The following FER1L6 variants were observed in gnomAD, a reference collection of about 807,000 sequenced individuals.
The protein encoded by FER1L6 is fer-1 like family member 6, also known as fer-1-like protein 6.
Under a neutral mutation model 219.2 loss-of-function variants are expected in FER1L6, and 177 were observed. The observed-to-expected ratio is 0.81, with a 90% confidence interval of 0.71 to 0.91. The LOEUF is 0.91. FER1L6 is among the 40% of genes least tolerant of loss of function. The probability of loss-of-function intolerance (pLI) is 0.00; values close to 1 mark genes in which losing one functional copy is unlikely to be tolerated. For missense variants in FER1L6, 2,153 were observed against 2,259.9 expected (o/e 0.95, Z 0.96); for synonymous variants, 768 against 824.3 (o/e 0.93, Z 1.17).
At chr8:124,114,061 T>C (rs1823129669) in intron 39 of FER1L6, among the ~76,000 whole-genome samples, 1 of 152,218 alleles carries the variant, frequency 6.6e-6, no homozygotes, top group Non-Finnish European at 1.5e-5. Context: ...TTTCATTGGT[T>C]TTATAAAAAT....
chr8:124,031,278 T>A (rs912782717), intron 18 of FER1L6, among the ~76,000 whole-genome samples: 1 of 152,192 alleles, frequency 6.6e-6, no homozygotes, highest in Non-Finnish European at 1.5e-5. Context: ...TACACATTAA[T>A]ATATGGGAGC....
chr8:123,974,471 A>G (rs1815958159), intron 7 of FER1L6, among the ~76,000 whole-genome samples: 1 of 151,856 alleles, frequency 6.6e-6, no homozygotes, highest in Non-Finnish European at 1.5e-5. Flanking sequence ...CCCCATCTCT[A>G]CTAAAAATAC....
In FER1L6 at chr8:124,091,500, A is replaced by G; in HGVS notation, c.4469A>G (p.Asp1490Gly). The change falls in exon 34 of 41, where the codon GAT (aspartate) becomes GGT (glycine). Residue 1490 changes from aspartate (D) to glycine (G), a missense_variant. Physicochemically the swap from Asp to Gly is moderately conservative, Grantham distance 94. Transcript: ENST00000522917. ...LTKLCKDNKLDGPYFHPGKIQ... is the reference protein window; with the variant it reads ...LTKLCKDNKLGGPYFHPGKIQ... ...AAGCTCTGCAAAGACAACAAGCTGG[A>G]TGGACCCTACTTTCACCCTGGGAAA... The G allele has an allele frequency of 6.2e-7, 1 of 1,614,006 alleles. No individual in the cohort carries two copies. Among genetic ancestry groups the G allele is most frequent in the South Asian group, 1.1e-5 (1 of 91,082 alleles).
intron 20 of FER1L6, among the ~76,000 whole-genome samples, chr8:124,042,393 T>C (rs1390793836): frequency 6.6e-6 from 1 of 152,244 alleles, no homozygotes; most frequent in African/African-American, 2.4e-5. Flanking sequence ...GCTTAGCATT[T>C]TATATGCATC....
chr8:124,062,005 C>A lies in FER1L6; in HGVS notation c.3301C>A (p.Gln1101Lys), dbSNP rs868030113. 2.5e-6 allele frequency: 4 copies of A among 1,614,158 alleles called. No individual in the cohort carries two copies. In the African/African-American group the frequency reaches 5.3e-5, roughly 22 times the overall value. Reference protein sequence around the residue: ...KLREPLAPITQVDGTQPGHDI... With the variant: ...KLREPLAPITKVDGTQPGHDI... ...CAGAGAGCCCCTTGCCCCCATCACA[C>A]AGGTGGATGGAACCCAGCCTGGGCA... Residue 1101 changes from glutamine to lysine, a missense_variant, in exon 25 of 41, where the codon CAG becomes AAG. Gln to Lys is a moderately conservative substitution (Grantham distance 53). Coordinates refer to ENST00000522917, the MANE Select transcript of FER1L6 (RefSeq NM_001039112.2).
intron 1 of FER1L6, among the ~76,000 whole-genome samples, chr8:123,899,636 T>C (rs1406151327): frequency 1.3e-5 from 2 of 152,202 alleles, no homozygotes; most frequent in Non-Finnish European, 2.9e-5. Flanking sequence ...AGAATTTTTA[T>C]GGTTTCAGGT....
At chr8:123,913,520 C>T (rs1484675595) in intron 1 of FER1L6, among the ~76,000 whole-genome samples, 1 of 152,102 alleles carries the variant, frequency 6.6e-6, no homozygotes, top group Admixed American at 6.6e-5. Context: ...GCTGTCAGGT[C>T]ACCTCTACTG....
At chr8:124,104,221 TC>T (rs1822667276) in intron 39 of FER1L6, among the ~76,000 whole-genome samples, 1 of 152,194 alleles carries the variant, frequency 6.6e-6, no homozygotes, top group African/African-American at 2.4e-5. Flanking sequence ...CCAGTTCCAT[TC>T]CCCCTCAAGT....
chr8:124,002,216 C>T (rs1275340468), intron 12 of FER1L6, among the ~76,000 whole-genome samples: 1 of 152,184 alleles, frequency 6.6e-6, no homozygotes, highest in Non-Finnish European at 1.5e-5. Context: ...CGGAAGGTGG[C>T]TGTTGTAAGC....
At chr8:123,948,534 G>A (rs147844261) in intron 1 of FER1L6, among the ~76,000 whole-genome samples, 81 of 152,178 alleles carry the variant, frequency 5.3e-4, no homozygotes, top group African/African-American at 1.7e-3. Flanking sequence ...TATAGGTCTT[G>A]TTTATATTTT....
At chr8:123,858,137 C>T (rs1816680748) in intron 1 of FER1L6, among the ~76,000 whole-genome samples, 2 of 152,158 alleles carry the variant, frequency 1.3e-5, no homozygotes, top group Non-Finnish European at 1.5e-5. Context: ...GATGGGTTCT[C>T]CTACTTTAAC....
intron 5 of FER1L6, among the ~76,000 whole-genome samples, chr8:123,968,478 T>A (rs57604035): frequency 6.6e-6 from 1 of 152,180 alleles, no homozygotes; most frequent in Non-Finnish European, 1.5e-5. Flanking sequence ...CGGAAGCCTA[T>A]GTGAGGCAGT....
At chr8:124,080,663 G>A (rs1486694115) in intron 32 of FER1L6, among the ~76,000 whole-genome samples, 2 of 152,084 alleles carry the variant, frequency 1.3e-5, no homozygotes, top group Non-Finnish European at 2.9e-5. Flanking sequence ...AAATTTAGGT[G>A]ACATTAATAT....
At chr8:123,950,622 G>A (rs564314494) in intron 1 of FER1L6, among the ~76,000 whole-genome samples, 2 of 152,290 alleles carry the variant, frequency 1.3e-5, no homozygotes, top group South Asian at 4.1e-4. Flanking sequence ...GCTGACTCTT[G>A]CAGGTGAAAT....
chr8:123,894,134 A>G (rs2129707851), intron 1 of FER1L6, among the ~76,000 whole-genome samples: 1 of 152,344 alleles, frequency 6.6e-6, no homozygotes, highest in South Asian at 2.1e-4. Context: ...GAAATGTACC[A>G]GATTCAGACA....
At chr8:124,028,907 A>G (rs1586610953) in intron 18 of FER1L6, among the ~76,000 whole-genome samples, 2 of 152,130 alleles carry the variant, frequency 1.3e-5, no homozygotes, top group East Asian at 3.8e-4. Context: ...TGCATGTATT[A>G]GGTATTTGTC....
chr8:124,074,002 C>T (rs1040429365), intron 31 of FER1L6, among the ~76,000 whole-genome samples: 2 of 152,200 alleles, frequency 1.3e-5, no homozygotes, highest in Non-Finnish European at 2.9e-5. Context: ...CATCCTTGAA[C>T]ATACAGCTTT....
In FER1L6 at chr8:124,033,029, C is replaced by A. The variant is rs550891569; in HGVS notation, c.2287-2248C>A. ...AGAGTCTGGGCTCTAACCCTGATAA[C>A]CTATGATTTGGTGATAGCTTGCAGG... is the stretch of plus-strand genomic sequence containing the variant. On this transcript the variant is annotated intron_variant, in intron 18 of 40. Transcript: ENST00000522917. Among the ~76,000 whole-genome samples the A allele has an allele frequency of 2.0e-5, 3 of 152,270 alleles. No homozygotes were observed. The South Asian group carries it at 6.2e-4, about 32-fold the overall frequency.
intron 18 of FER1L6, among the ~76,000 whole-genome samples, chr8:124,025,530 G>A (rs1818667734): frequency 6.6e-6 from 1 of 152,042 alleles, no homozygotes; most frequent in Admixed American, 6.6e-5. Flanking sequence ...CTATTCCACT[G>A]GCCTATATAT....
Sources: allele counts gnomAD v4.1 joint callset (sites outside exome capture counted in the v4.1 genomes callset), GRCh38; gene constraint gnomAD v4.1.1; transcripts MANE v1.5; gene names NCBI Gene and HGNC (gene_info 2026-07-23, HGNC 2026-07-21).